SHTN1: variants seen among roughly 807,000 people sequenced by gnomAD.
The protein encoded by SHTN1 is shootin-1.
SHTN1 carries 42 observed loss-of-function variants against 83.1 expected under a neutral mutation model. The ratio of observed to expected loss-of-function variants is 0.51; its 90% confidence interval spans 0.39 to 0.65. SHTN1 has a LOEUF of 0.65. Ranked by LOEUF, SHTN1 falls within the 30% of genes least tolerant of loss-of-function variation. SHTN1 has a pLI of 0.00. For synonymous variants in SHTN1, 224 were observed against 247.7 expected (o/e 0.90, Z 0.90); for missense variants, 622 against 737.8 (o/e 0.84, Z 1.82).
chr10:116,979,683 G>A (rs1850944803), intron 1 of SHTN1, among the ~76,000 whole-genome samples: 1 of 152,246 alleles, frequency 6.6e-6, no homozygotes, highest in Non-Finnish European at 1.5e-5. Context: ...CATGATCCAG[G>A]AGAGGTGACA....
intron 1 of SHTN1, among the ~76,000 whole-genome samples, chr10:117,064,232 T>C (rs1050600430): frequency 6.6e-6 from 1 of 152,166 alleles, no homozygotes; most frequent in Admixed American, 6.5e-5. Context: ...TGGCTACCAA[T>C]TGGGCACTGT....
intron 16 of SHTN1, among the ~76,000 whole-genome samples, chr10:116,895,862 G>C (rs979305011): frequency 6.6e-6 from 1 of 152,040 alleles, no homozygotes; most frequent in Non-Finnish European, 1.5e-5. Flanking sequence ...CTGTAAAATT[G>C]GGATAATGTC....
At chr10:116,926,725 A>G (rs563591660) in intron 11 of SHTN1, among the ~76,000 whole-genome samples, 1 of 152,142 alleles carries the variant, frequency 6.6e-6, no homozygotes, top group Non-Finnish European at 1.5e-5. Flanking sequence ...AAAAAAAAAA[A>G]AACCCTAGAA....
chr10:117,055,861 C>G (rs1198649828), intron 1 of SHTN1, among the ~76,000 whole-genome samples: 1 of 152,156 alleles, frequency 6.6e-6, no homozygotes, highest in Non-Finnish European at 1.5e-5. Context: ...GAGCAAGACC[C>G]TGTCTCTAAG....
At chr10:116,889,136 G>T (rs755089019) in intron 16 of SHTN1, among the ~76,000 whole-genome samples, 1 of 152,200 alleles carries the variant, frequency 6.6e-6, no homozygotes, top group Admixed American at 6.5e-5. Flanking sequence ...TTCCATGCTC[G>T]TGTGTGTCTG....
intron 1 of SHTN1, among the ~76,000 whole-genome samples, chr10:117,118,126 T>G (rs1335185708): frequency 6.6e-6 from 1 of 152,064 alleles, no homozygotes; most frequent in African/African-American, 2.4e-5. Context: ...GGGGAAATAT[T>G]TGGAAACTGT....
At chr10:117,121,055 C>G (rs1853917617) in intron 1 of SHTN1, among the ~76,000 whole-genome samples, 1 of 152,146 alleles carries the variant, frequency 6.6e-6, no homozygotes, top group Admixed American at 6.5e-5. Context: ...GGTGATCTGC[C>G]TGCCTCAGCC....
At chr10:116,926,255 G>A (rs1268394484) in intron 11 of SHTN1, among the ~76,000 whole-genome samples, 1 of 152,018 alleles carries the variant, frequency 6.6e-6, no homozygotes, top group Non-Finnish European at 1.5e-5. Flanking sequence ...AAAATTAAAG[G>A]CCAACAGCAA....
At chr10:117,084,487 TTTTG>T (rs1460407398) in intron 1 of SHTN1, among the ~76,000 whole-genome samples, 2 of 152,134 alleles carry the variant, frequency 1.3e-5, no homozygotes, top group Admixed American at 6.5e-5. Context: ...ACTGCTGTCT[TTTTG>T]TTTGTCTGTG....
intron 1 of SHTN1, among the ~76,000 whole-genome samples, chr10:117,051,346 A>C (rs1852738002): frequency 6.6e-6 from 1 of 152,226 alleles, no homozygotes; most frequent in African/African-American, 2.4e-5. Context: ...CTGAAGAAGA[A>C]TTAACACTAA....
rs1847164911 is a variant in SHTN1 at position 116,886,394 on chromosome 10, T to C, written c.1846A>G (p.Lys616Glu). Residue 616 changes from lysine (K) to glutamate (E), a missense_variant, in exon 17 of 17, where the codon AAA becomes GAA. By Grantham distance (56) the Lys-to-Glu change is moderately conservative. This residue lies in a region of SHTN1 where 231 missense variants were observed against 251.6 expected (regional missense o/e 0.92). Transcript: ENST00000355371. ...EDEGEIQPEN[K>E]EDSIENVRET... ...CTCACGTTTTCAATGCTGTCTTCTT[T>C]GTTTTCTGGTTGAATTTCGCCTTCA... 5.1e-6 allele frequency: 8 copies of C among 1,573,746 alleles called. No individual in the cohort carries two copies. Among genetic ancestry groups the C allele is most frequent in the Non-Finnish European group, 6.9e-6 (8 of 1,157,540 alleles).
At position 116,945,034 on chromosome 10, in the gene SHTN1, G is replaced by GAA; in HGVS notation, c.617-18_617-17dup. 35 of 1,311,534 alleles carry GAA rather than the reference G, an allele frequency of 2.7e-5. No individual in the cohort carries two copies. Among genetic ancestry groups the GAA allele is most frequent in the South Asian group, 9.8e-5 (7 of 71,508 alleles). The allele number at this position is 1,311,534 out of a possible 1,614,324, so 81.2% of individuals were successfully genotyped here. ...AACATGGACACTTAAGAAGATAAAG[G>GAA]AAAAAAAAAACCCAGACAATAAGTC... On this transcript the variant is annotated splice_polypyrimidine_tract_variant and intron_variant, in intron 7 of 16. Coordinates refer to ENST00000355371, the MANE Select transcript of SHTN1 (RefSeq NM_001127211.3).
At chr10:117,041,652 G>A (rs558274271) in intron 2 of SHTN1, among the ~76,000 whole-genome samples, 2 of 152,162 alleles carry the variant, frequency 1.3e-5, no homozygotes, top group Non-Finnish European at 2.9e-5. Context: ...TTGGTTAGGT[G>A]AACGTGTAAC....
intron 1 of SHTN1, among the ~76,000 whole-genome samples, chr10:117,111,972 GT>G (rs1385906179): frequency 6.6e-6 from 1 of 151,878 alleles, no homozygotes; most frequent in African/African-American, 2.4e-5. Context: ...TTTTGTTTTT[GT>G]TTTTTCTTTT....
At chr10:116,917,453 G>A (rs4638225) in intron 12 of SHTN1, among the ~76,000 whole-genome samples, 44,616 of 151,996 alleles carry the variant, frequency 0.29, 6,893 homozygotes, top group East Asian at 0.52. Flanking sequence ...TACAAGAAGC[G>A]TCACTACGCC....
At chr10:117,092,582 C>G (rs977545356) in intron 1 of SHTN1, among the ~76,000 whole-genome samples, 2 of 152,230 alleles carry the variant, frequency 1.3e-5, no homozygotes, top group African/African-American at 4.8e-5. Context: ...CTAGACCCAT[C>G]TGGCTGCACC....
At chr10:116,911,980 T>G (rs1312967934) in intron 13 of SHTN1, 137 bp from the exon 14 acceptor site, 1 of 662,604 alleles carries the variant, frequency 1.5e-6, no homozygotes, top group East Asian at 2.7e-5. Context: ...ATTAGGACTA[T>G]GTCTTAAGGT....
intron 7 of SHTN1, among the ~76,000 whole-genome samples, chr10:116,945,778 A>C (rs993290103): frequency 6.6e-6 from 1 of 152,158 alleles, no homozygotes; most frequent in African/African-American, 2.4e-5. Context: ...CATGTCTAAC[A>C]TTTTTTATAA....
At chr10:116,946,787 G>C (rs1203498424) in intron 7 of SHTN1, among the ~76,000 whole-genome samples, 2 of 151,198 alleles carry the variant, frequency 1.3e-5, no homozygotes, top group East Asian at 3.9e-4. Context: ...GTGCAATCTT[G>C]GTTCACTGCA....
Sources: allele counts gnomAD v4.1 joint callset (sites outside exome capture counted in the v4.1 genomes callset), GRCh38; gene constraint gnomAD v4.1.1; regional missense constraint gnomAD v4.1.1; transcripts MANE v1.5; gene names NCBI Gene and HGNC (gene_info 2026-07-23, HGNC 2026-07-21).